Variants in ADAM15 observed in about 807,000 individuals in gnomAD.
ADAM15 encodes disintegrin and metalloproteinase domain-containing protein 15.
Under a neutral mutation model 113.8 loss-of-function variants are expected in ADAM15, and 77 were observed. That is an observed-to-expected ratio of 0.68 (90% CI 0.56 to 0.82). ADAM15 has a LOEUF of 0.82. Among genes scored for constraint, ADAM15 ranks in the 40% least tolerant of loss-of-function variants. ADAM15 has a pLI of 0.00. For synonymous variants in ADAM15, 388 were observed against 454.1 expected (o/e 0.85, Z 1.85); for missense variants, 963 against 1,120.1 (o/e 0.86, Z 2.00).
In ADAM15 at chr1:155,061,392, A is replaced by G. The variant is rs982007012; in HGVS notation, c.2278-23A>G. ...TGCTTCCTCTTCCCCCTCTGTGCCT[A>G]TCTGCCCCTCCTGCCCTCTCAGCAG... On this transcript the variant is annotated intron_variant, in intron 19 of 22. Transcript: ENST00000356955. The G allele has an allele frequency of 1.9e-6, 3 of 1,606,498 alleles. No individual in the cohort carries two copies. In the Admixed American group the frequency reaches 5.0e-5, roughly 27 times the overall value.
chr1:155,060,121 T>C, intron 17 of ADAM15, 84 bp from the exon 18 acceptor site: 1 of 1,584,912 alleles, frequency 6.3e-7, no homozygotes, highest in Non-Finnish European at 8.6e-7. Flanking sequence ...CCCTGATCAC[T>C]TGACTTCACT....
rs1558125838 is a variant in ADAM15 at position 155,056,980 on chromosome 1, GCCT to G, written c.1033_1035del (p.Ser345del). ...CCACTCCACCAGCATCCTGGGAGTC[GCCT>G]CCTCCATAGCCCATGAGTTGGGCCA... On this transcript the variant is annotated inframe_deletion, in exon 11 of 23. Coordinates refer to ENST00000356955, the MANE Select transcript of ADAM15 (RefSeq NM_207197.3). This position sits in a 1 kb window ranked among gnomAD's most constrained non-coding sequence, Gnocchi z 4.0. 2 of 1,578,716 alleles carry G rather than the reference GCCT, an allele frequency of 1.3e-6. No individual in the cohort carries two copies. Among genetic ancestry groups the G allele is most frequent in the Admixed American group, 3.8e-5 (2 of 52,598 alleles).
chr1:155,055,629 A>G, intron 6 of ADAM15, 161 bp from the exon 7 acceptor site: 1 of 706,920 alleles, frequency 1.4e-6, no homozygotes, highest in Admixed American at 2.4e-5. Flanking sequence ...CCTCCTTGGC[A>G]AGTTCCTGGG....
Position 155,057,535 on chromosome 1 carries a change from C to A in ADAM15, c.1324-102C>A. On this transcript the variant is annotated intron_variant, in intron 12 of 22. Transcript: ENST00000356955. This position sits in a 1 kb window ranked among gnomAD's most constrained non-coding sequence, Gnocchi z 5.0. ...GTTGTTGGGCTCTAGCCCTCGCTTG[C>A]TGTGTAGCTTCTGGTCTTGGCCTGT... is the stretch of plus-strand genomic sequence containing the variant. The A allele has an allele frequency of 6.6e-7, 1 of 1,518,556 alleles. No individual in the cohort carries two copies. Among genetic ancestry groups the A allele is most frequent in the Non-Finnish European group, 9.1e-7 (1 of 1,100,970 alleles). 94.1% of individuals were successfully genotyped at this position (1,518,556 alleles called of 1,614,324 possible). A position where few individuals can be genotyped will look rare whatever the true frequency, so the allele number is the denominator to read the frequency against.
rs746908158 is a variant in ADAM15 at position 155,054,422 on chromosome 1, C to T, written c.528C>T (p.Gly176=). 33 of 1,613,900 alleles carry T rather than the reference C, an allele frequency of 2.0e-5. No individual in the cohort carries two copies. In the East Asian group the frequency reaches 6.0e-4, roughly 29 times the overall value. Residue 176 remains glycine (G), a synonymous_variant, in exon 6 of 23, where the codon GGC becomes GGT. Coordinates refer to ENST00000356955, the MANE Select transcript of ADAM15 (RefSeq NM_207197.3). ...GAATCCAAGATCTCCACCTGCCAGG[C>T]CACACCTGTGCCCTGAGCTGGCGGG... ...ISRIQDLHLP[G]HTCALSWRES... is the part of the protein sequence containing the mutation.
rs772799464 is a variant in ADAM15 at position 155,061,956 on chromosome 1, C to T, written c.2405C>T (p.Pro802Leu). ...NPPTRPLPAD[P>L]VVRSPKSQGP... ...CCTACCCGCCCTCTGCCCGCTGACC[C>T]GGTGGTGAGAAGCCCGAAGGTAACG... The change falls in exon 21 of 23, where the codon CCG (proline) becomes CTG (leucine). Residue 802 changes from proline (P) to leucine (L), a missense_variant. Transcript: ENST00000356955. The T allele has an allele frequency of 1.1e-5, 17 of 1,588,336 alleles. No homozygotes were observed. Among genetic ancestry groups the T allele is most frequent in the African/African-American group, 8.1e-5 (6 of 73,988 alleles).
rs199706846 is a variant in ADAM15 at position 155,061,445 on chromosome 1, C to A, written c.2308C>A (p.Pro770Thr). Reference protein sequence around the residue: ...QASALSFPAPPSRPLPPDPVS... With the variant: ...QASALSFPAPTSRPLPPDPVS... ...TAGTGCTCTCAGCTTCCCGGCCCCC[C>A]CTTCCAGGCCGCTGCCGCCTGACCC... The change falls in exon 20 of 23, where the codon CCT becomes ACT. Residue 770 changes from proline to threonine, a missense_variant. Pro to Thr is a conservative substitution (Grantham distance 38). Coordinates refer to ENST00000356955, the MANE Select transcript of ADAM15 (RefSeq NM_207197.3). The A allele has an allele frequency of 2.2e-5, 36 of 1,613,758 alleles. No individual in the cohort carries two copies. The highest frequency in any genetic ancestry group is 1.6e-4 in the Middle Eastern group (1 of 6,080).
chr1:155,062,536 C>T lies in ADAM15; in HGVS notation c.*34C>T. The T allele has an allele frequency of 6.2e-7, 1 of 1,610,002 alleles. No homozygotes were observed. The highest frequency in any genetic ancestry group is 2.2e-5 in the East Asian group (1 of 44,780). The stretch of plus-strand genomic sequence containing the variant: ...GAGGTTCCGCTGCCTCCAAGCCGGA[C>T]TTAGGGCTTCAAGAGGCGGGCGTGC... On this transcript the variant is annotated 3_prime_UTR_variant, in exon 23 of 23. Coordinates refer to ENST00000356955, the MANE Select transcript of ADAM15 (RefSeq NM_207197.3). The surrounding 1 kb of genome is among the most constrained non-coding windows in gnomAD (Gnocchi z 7.0).
chr1:155,054,501 C>T lies in ADAM15; in HGVS notation c.607C>T (p.Arg203Cys), dbSNP rs758022424. Reference protein sequence around the residue: ...PEHPLGQRHIRRRRDVVTETK... With the variant: ...PEHPLGQRHICRRRDVVTETK... ...GCACCCCCTGGGACAGCGCCACATT[C>T]GCCGGGTGAGGATGAATGGCAGGGG... The change falls in exon 6 of 23, where the codon CGC becomes TGC. Residue 203 changes from arginine (R) to cysteine (C), a missense_variant. Arg to Cys is a radical substitution (Grantham distance 180, BLOSUM62 -3). Transcript: ENST00000356955. 5.1e-6 allele frequency: 8 copies of T among 1,566,468 alleles called. No homozygotes were observed. Among genetic ancestry groups the T allele is most frequent in the South Asian group, 1.2e-5 (1 of 85,612 alleles).
At chr1:155,051,619 G>A (rs146564277) in intron 1 of ADAM15, 154 bp downstream of exon 1, 13,187 of 646,596 alleles carry the variant, frequency 0.02, 238 homozygotes, top group Non-Finnish European at 0.021. Flanking sequence ...CCTAGGGCCC[G>A]GTGACTTGGC....
Position 155,056,578 on chromosome 1 carries a change from A to G in ADAM15, c.999+108A>G, listed in dbSNP as rs112085112. On this transcript the variant is annotated intron_variant, in intron 10 of 22. Transcript: ENST00000356955. The surrounding 1 kb of genome is among the most constrained non-coding windows in gnomAD (Gnocchi z 4.0). ...TAAAGTTGCCCAACCCCAAAGCTAC[A>G]GGTATAGAGGGTGGAGGTACGTGAT... is the stretch of plus-strand genomic sequence containing the variant. 2,839 of 1,080,064 alleles carry G rather than the reference A, an allele frequency of 2.6e-3. 53 individuals carry two copies. The African/African-American group carries it at 0.039, about 15-fold the overall frequency. 66.9% of individuals were successfully genotyped at this position (1,080,064 alleles called of 1,614,324 possible).
chr1:155,061,677 T>G, intron 20 of ADAM15, 188 bp downstream of exon 20: 2 of 779,514 alleles, frequency 2.6e-6, no homozygotes, highest in Non-Finnish European at 4.0e-6. Flanking sequence ...TCTACCACCA[T>G]CTGGTGGTCA....
Position 155,056,983 on chromosome 1 carries a change from T to A in ADAM15, c.1030T>A (p.Ser344Thr), listed in dbSNP as rs1439875240. Residue 344 changes from serine (S) to threonine (T), a missense_variant, in exon 11 of 23, where the codon TCC becomes ACC. Transcript: ENST00000356955. This position sits in a 1 kb window ranked among gnomAD's most constrained non-coding sequence, Gnocchi z 4.0. ...CTCCACCAGCATCCTGGGAGTCGCC[T>A]CCTCCATAGCCCATGAGTTGGGCCA... ...DHSTSILGVA[S>T]SIAHELGHSL... 1 of 1,587,350 alleles carries A rather than the reference T, an allele frequency of 6.3e-7. No homozygotes were observed. The highest frequency in any genetic ancestry group is 8.6e-7 in the Non-Finnish European group (1 of 1,167,336).
intron 19 of ADAM15, 150 bp downstream of exon 19, chr1:155,060,982 C>G (rs1280127819): frequency 1.8e-5 from 13 of 740,382 alleles, no homozygotes; most frequent in Non-Finnish European, 2.2e-5. Context: ...CCCTGCCCTC[C>G]CCTCCCCTGG....
At chr1:155,053,075 G>C (rs1219147610) in intron 2 of ADAM15, among the ~76,000 whole-genome samples, 1 of 151,758 alleles carries the variant, frequency 6.6e-6, no homozygotes, top group African/African-American at 2.4e-5. Flanking sequence ...TTTCTCAGTG[G>C]GGGGATTTGG....
rs199551467 is a variant in ADAM15, at chr1:155,057,297, A to C, written c.1258A>C (p.Met420Leu). The C allele has an allele frequency of 1.6e-4, 253 of 1,613,916 alleles. No homozygotes were observed. The highest frequency in any genetic ancestry group is 1.0e-5 in the Non-Finnish European group (12 of 1,179,998). ...CGAACGGCTGCCTAGCCTACCCCCT[A>C]TGGCTGCTTTCTGCGGAAATATGTT... ...LFERLPSLPP[M>L]AAFCGNMFVE... The change falls in exon 12 of 23, where the codon ATG (methionine) becomes CTG (leucine). Residue 420 changes from methionine (M) to leucine (L), a missense_variant. Met to Leu is a conservative substitution (Grantham distance 15). Coordinates refer to ENST00000356955, the MANE Select transcript of ADAM15 (RefSeq NM_207197.3). This position sits in a 1 kb window ranked among gnomAD's most constrained non-coding sequence, Gnocchi z 5.0.
At chr1:155,055,728 C>T (rs1661662463) in intron 6 of ADAM15, 62 bp from the exon 7 acceptor site, 6 of 1,590,390 alleles carry the variant, frequency 3.8e-6, no homozygotes, top group Non-Finnish European at 4.3e-6. Context: ...TCTTGGTCAG[C>T]CCGGCACAGC....
In ADAM15 at chr1:155,058,063, G is replaced by T. The variant is rs200330664; in HGVS notation, c.1629G>T (p.Ala543=). 2.8e-5 allele frequency: 45 copies of T among 1,614,026 alleles called. No individual in the cohort carries two copies. Among genetic ancestry groups the T allele is most frequent in the African/African-American group, 4.0e-5 (3 of 74,954 alleles). The change falls in exon 14 of 23, where the codon GCG becomes GCT. Residue 543 remains alanine (A), a synonymous_variant. Transcript: ENST00000356955. The surrounding 1 kb of genome is among the most constrained non-coding windows in gnomAD (Gnocchi z 4.3). ...GGGGACCTGGAGCCCAGCCCGCTGC[G>T]CCACTTTGCCTCCAGACAGCTAATA... ...SLWGPGAQPA[A]PLCLQTANTR...
rs1661969396 is a variant in ADAM15, at chr1:155,057,681, G to A, written c.1368G>A (p.Arg456=). Residue 456 remains arginine (R), a synonymous_variant, in exon 13 of 23, where the codon AGG becomes AGA. Transcript: ENST00000356955. This position sits in a 1 kb window ranked among gnomAD's most constrained non-coding sequence, Gnocchi z 5.0. ...PCCDSLTCQL[R]PGAQCASDGP... is the part of the protein sequence containing the mutation. ...GTGATTCTTTGACCTGCCAGCTGAG[G>A]CCAGGTGCACAGTGTGCATCTGACG... 1 of 1,614,078 alleles carries A rather than the reference G, an allele frequency of 6.2e-7. No individual in the cohort carries two copies. The highest frequency in any genetic ancestry group is 1.1e-5 in the South Asian group (1 of 91,090).
Sources: allele counts gnomAD v4.1 joint callset (sites outside exome capture counted in the v4.1 genomes callset), GRCh38; gene constraint gnomAD v4.1.1; non-coding constraint Gnocchi (gnomAD v3.1); transcripts MANE v1.5; gene names NCBI Gene and HGNC (gene_info 2026-07-23, HGNC 2026-07-21).